HTR2A: variants seen among roughly 807,000 people sequenced by gnomAD.
HTR2A encodes the protein 5-hydroxytryptamine receptor 2A.
A neutral mutation model predicts 31.0 loss-of-function variants in HTR2A; 14 were observed. That is an observed-to-expected ratio of 0.45 (90% confidence interval 0.30 to 0.71). HTR2A has a LOEUF of 0.71. Ranked by LOEUF, HTR2A falls within the 30% of genes least tolerant of loss-of-function variation. The pLI, the probability that HTR2A is intolerant of heterozygous loss-of-function variation, is 0.09. For missense variants in HTR2A, 442 were observed against 573.3 expected, an observed-to-expected ratio of 0.77 and a Z score of 2.34; for synonymous variants, 209 against 225.2, an observed-to-expected ratio of 0.93 and a Z score of 0.64.
At chr13:46,887,849 G>A (rs1435663197) in intron 3 of HTR2A, among the ~76,000 whole-genome samples, 1 of 151,766 alleles carries the variant, frequency 6.6e-6, no homozygotes, top group South Asian at 2.1e-4. Flanking sequence ...TCACTAATAT[G>A]TGGGAGCTGA....
intron 3 of HTR2A, among the ~76,000 whole-genome samples, chr13:46,845,643 CAAA>C (rs11394720): frequency 1.8e-5 from 2 of 112,960 alleles, no homozygotes; most frequent in Admixed American, 9.5e-5. Context: ...TTCATCACTC[CAAA>C]AAAAAAAAAA....
intron 3 of HTR2A, among the ~76,000 whole-genome samples, chr13:46,841,259 G>A (rs1459955886): frequency 6.6e-6 from 1 of 152,020 alleles, no homozygotes; most frequent in Non-Finnish European, 1.5e-5. Context: ...GATGTTGCAT[G>A]TACAGCACAA....
At chr13:46,885,225 C>T (rs1950997384) in intron 3 of HTR2A, among the ~76,000 whole-genome samples, 1 of 152,148 alleles carries the variant, frequency 6.6e-6, no homozygotes, top group Non-Finnish European at 1.5e-5. Context: ...GAGATGGCTA[C>T]AAAGTGACTC....
chr13:46,859,909 A>C (rs1194000384), intron 3 of HTR2A, among the ~76,000 whole-genome samples: 3 of 152,112 alleles, frequency 2.0e-5, no homozygotes, highest in African/African-American at 7.2e-5. Context: ...ACCATCCTAT[A>C]AATACTAATT....
At position 46,867,105 on chromosome 13, in the gene HTR2A, G is replaced by C. The variant is rs117005961; in HGVS notation, c.613+25285C>G. Among the ~76,000 whole-genome samples the C allele has an allele frequency of 3.5e-3, 536 of 152,282 alleles. 3 individuals are homozygous for C. The highest frequency in any genetic ancestry group is 6.6e-3 in the Non-Finnish European group (451 of 68,006). On this transcript the variant is annotated intron_variant, in intron 3 of 3. Transcript: ENST00000542664. ...AGATGGGAGACAACATGGTTTTTGTGGGGGAATCAGGATAAGCCTCACTGA... is the reference window on the plus strand; with the variant it reads ...AGATGGGAGACAACATGGTTTTTGTCGGGGAATCAGGATAAGCCTCACTGA...
chr13:46,845,643 C>CAAA (rs11394720), intron 3 of HTR2A, among the ~76,000 whole-genome samples: 91 of 112,950 alleles, frequency 8.1e-4, no homozygotes, highest in African/African-American at 2.1e-3. Context: ...TTCATCACTC[C>CAAA]AAAAAAAAAA....
At position 46,849,105 on chromosome 13, in the gene HTR2A, AC is replaced by A. The variant is rs1310351696; in HGVS notation, c.614-13467del. Reference sequence around the variant, plus strand: ...CTAGGACTCTGGGTTGCACTCGCTCACCCCCCACCTTTCCTTATCCCAGTAA... The same window carrying A: ...CTAGGACTCTGGGTTGCACTCGCTCACCCCCACCTTTCCTTATCCCAGTAA... On this transcript the variant is annotated intron_variant, in intron 3 of 3. Coordinates refer to ENST00000542664, the MANE Select transcript of HTR2A (RefSeq NM_000621.5). Among the ~76,000 whole-genome samples the A allele has an allele frequency of 5.3e-5, 8 of 152,040 alleles. No individual in the cohort carries two copies. The South Asian group carries it at 1.5e-3, about 28-fold the overall frequency.
chr13:46,862,522 A>C (rs991149789), intron 3 of HTR2A, among the ~76,000 whole-genome samples: 3 of 152,226 alleles, frequency 2.0e-5, no homozygotes, highest in Non-Finnish European at 1.5e-5. Flanking sequence ...GGGATAGATA[A>C]AAGGTGACTT....
chr13:46,842,047 T>C (rs1950601562), intron 3 of HTR2A, among the ~76,000 whole-genome samples: 1 of 152,178 alleles, frequency 6.6e-6, no homozygotes, highest in Non-Finnish European at 1.5e-5. Context: ...ATTGTAGGCA[T>C]CGACCAAAAT....
upstream of HTR2A, among the ~76,000 whole-genome samples, chr13:46,897,639 A>G (rs1002382031): frequency 2.0e-5 from 3 of 152,188 alleles, no homozygotes; most frequent in African/African-American, 7.2e-5. Context: ...CCCTTTCCCA[A>G]GTAGGTTTCT....
At chr13:46,860,705 AC>A (rs1950772605) in intron 3 of HTR2A, among the ~76,000 whole-genome samples, 1 of 152,204 alleles carries the variant, frequency 6.6e-6, no homozygotes, top group African/African-American at 2.4e-5. Flanking sequence ...TATTGCAGTT[AC>A]CCCCGATTTA....
intron 3 of HTR2A, among the ~76,000 whole-genome samples, chr13:46,871,287 G>T (rs1296989336): frequency 6.6e-6 from 1 of 152,092 alleles, no homozygotes; most frequent in Non-Finnish European, 1.5e-5. Flanking sequence ...AAATTCAGTG[G>T]GTCAGTTTTG....
At chr13:46,888,665 A>G (rs4942587) in intron 3 of HTR2A, among the ~76,000 whole-genome samples, 29,509 of 152,170 alleles carry the variant, frequency 0.19, 3,437 homozygotes, top group East Asian at 0.34. Flanking sequence ...AACAGGGGTT[A>G]ATATGTGAGA....
At chr13:46,843,588 G>A (rs909885267) in intron 3 of HTR2A, among the ~76,000 whole-genome samples, 1 of 152,176 alleles carries the variant, frequency 6.6e-6, no homozygotes, top group Non-Finnish European at 1.5e-5. Flanking sequence ...ATTGCTCAGG[G>A]ATGCAGGTCT....
At chr13:46,852,216 C>T (rs1421268913) in intron 3 of HTR2A, 1 of 152,258 alleles carries the variant, frequency 6.6e-6, no homozygotes, top group Non-Finnish European at 1.5e-5. Flanking sequence ...GGACTTTTCA[C>T]TTCCAAAACT....
chr13:46,857,098 G>C (rs1950743910), intron 3 of HTR2A, among the ~76,000 whole-genome samples: 1 of 151,992 alleles, frequency 6.6e-6, no homozygotes, highest in African/African-American at 2.4e-5. Flanking sequence ...TCAAGAGATA[G>C]AGACCATCCT....
chr13:46,876,919 T>C (rs865887344), intron 3 of HTR2A, among the ~76,000 whole-genome samples: 158 of 152,246 alleles, frequency 1.0e-3, no homozygotes, highest in African/African-American at 3.6e-3. Context: ...TCCCTGCAGG[T>C]GAATGGATCC....
chr13:46,836,696 C>T (rs1876463280), intron 3 of HTR2A, among the ~76,000 whole-genome samples: 1 of 152,156 alleles, frequency 6.6e-6, no homozygotes, highest in Non-Finnish European at 1.5e-5. Context: ...ATCCATATGT[C>T]CTCTGGCTGC....
intron 3 of HTR2A, among the ~76,000 whole-genome samples, chr13:46,851,392 G>A (rs1950684035): frequency 6.6e-6 from 1 of 152,182 alleles, no homozygotes; most frequent in Non-Finnish European, 1.5e-5. Flanking sequence ...TTCAAACATA[G>A]TACATGCACA....
Sources: allele counts gnomAD v4.1 joint callset (sites outside exome capture counted in the v4.1 genomes callset), GRCh38; gene constraint gnomAD v4.1.1; transcripts MANE v1.5; gene names NCBI Gene and HGNC (gene_info 2026-07-23, HGNC 2026-07-21).